The following SYNE1 variants were observed in gnomAD, a reference collection of about 807,000 sequenced individuals.
SYNE1 encodes the protein spectrin repeat containing nuclear envelope protein 1, also known as nesprin-1.
In SYNE1, 616 loss-of-function variants were observed where a neutral mutation model predicts 1,111.0. That is an observed-to-expected ratio of 0.55 (90% CI 0.52 to 0.59). The LOEUF is 0.59. Among genes scored for constraint, SYNE1 ranks in the 20% least tolerant of loss-of-function variants. The pLI, the probability that SYNE1 is intolerant of heterozygous loss-of-function variation, is 0.00. For missense variants in SYNE1, 10,006 were observed against 10,417.0 expected (o/e 0.96, Z 1.72); for synonymous variants, 3,855 against 3,825.8 (o/e 1.01, Z -0.28).
chr6:152,274,460 T>C (rs1270044854), intron 98 of SYNE1, among the ~76,000 whole-genome samples: 3 of 152,322 alleles, frequency 2.0e-5, no homozygotes, highest in African/African-American at 7.2e-5. Context: ...CTATGTCTTT[T>C]GTTTTATTTT....
At chr6:152,226,671 A>G (rs2081634731) in intron 115 of SYNE1, among the ~76,000 whole-genome samples, 1 of 152,202 alleles carries the variant, frequency 6.6e-6, no homozygotes, top group Non-Finnish European at 1.5e-5. Flanking sequence ...GCAGACTGAG[A>G]CTGCTATCAA....
intron 29 of SYNE1, among the ~76,000 whole-genome samples, chr6:152,447,115 T>C (rs1449731247): frequency 6.6e-6 from 1 of 152,212 alleles, no homozygotes; most frequent in Non-Finnish European, 1.5e-5. Flanking sequence ...TAATCCTGGA[T>C]TTCTTTGACC....
At chr6:152,276,878 CTTTTTTTTTTT>C (rs539497198) in intron 98 of SYNE1, among the ~76,000 whole-genome samples, 1 of 102,162 alleles carries the variant, frequency 9.8e-6, no homozygotes, top group Non-Finnish European at 1.9e-5. Context: ...ACTCTGCACT[CTTTTTTTTTTT>C]TTTTTTTTTT....
chr6:152,515,515 T>A (rs574468407), intron 6 of SYNE1, among the ~76,000 whole-genome samples: 1 of 152,330 alleles, frequency 6.6e-6, no homozygotes, highest in African/African-American at 2.4e-5. Flanking sequence ...TGGCTCTTCT[T>A]TGTAAATTAG....
chr6:152,133,793 T>C (rs781640521), intron 142 of SYNE1: 5 of 371,230 alleles, frequency 1.3e-5, no homozygotes, highest in Admixed American at 8.5e-5. Flanking sequence ...TAGATTAGTA[T>C]GCAAGTGAGA....
intron 105 of SYNE1, among the ~76,000 whole-genome samples, chr6:152,247,750 T>TATAC (rs1432898834): frequency 0.027 from 3,046 of 112,220 alleles, 47 homozygotes; most frequent in Non-Finnish European, 0.029. Flanking sequence ...TATATATATA[T>TATAC]ACACACACAC....
At position 152,466,123 on chromosome 6, in the gene SYNE1, T is replaced by C. The variant is rs548367771; in HGVS notation, c.1633-45A>G. The C allele has an allele frequency of 3.8e-5, 49 of 1,276,424 alleles. No homozygotes were observed. The South Asian group carries it at 4.4e-4, about 11-fold the overall frequency. The allele number at this position is 1,276,424 out of a possible 1,614,324, so 79.1% of individuals were successfully genotyped here. On this transcript the variant is annotated intron_variant, in intron 16 of 145. Coordinates refer to ENST00000367255, the MANE Select transcript of SYNE1 (RefSeq NM_182961.4). ...TAGAAGATAGCAAACATTAGGCTCATGTAGAATGCCAAAGTCAATTTTCTT... is the reference window on the plus strand; with the variant it reads ...TAGAAGATAGCAAACATTAGGCTCACGTAGAATGCCAAAGTCAATTTTCTT...
intron 3 of SYNE1, among the ~76,000 whole-genome samples, chr6:152,590,069 G>A (rs941909257): frequency 6.6e-6 from 1 of 150,942 alleles, no homozygotes; most frequent in African/African-American, 2.4e-5. Flanking sequence ...GAGTAGCTGG[G>A]ACTACAGGTG....
At chr6:152,486,326 T>C (rs1443371290) in intron 12 of SYNE1, among the ~76,000 whole-genome samples, 5 of 152,286 alleles carry the variant, frequency 3.3e-5, no homozygotes, top group Admixed American at 3.3e-4. Flanking sequence ...TTGCTACAGA[T>C]TGAAAGAGAT....
chr6:152,442,273 A>G (rs2154233587), intron 30 of SYNE1, 28 bp from the exon 31 acceptor site: 15 of 1,610,796 alleles, frequency 9.3e-6, no homozygotes, highest in Non-Finnish European at 1.3e-5. Context: ...ACAGATGGAT[A>G]TAAATTGTGC....
At chr6:152,439,661 G>A (rs1259594281) in intron 32 of SYNE1, among the ~76,000 whole-genome samples, 1 of 152,176 alleles carries the variant, frequency 6.6e-6, no homozygotes, top group Non-Finnish European at 1.5e-5. Context: ...CAAAAAATTA[G>A]CAGTATGGGA....
chr6:152,269,239 C>T lies in SYNE1; in HGVS notation c.18621G>A (p.Thr6207=), dbSNP rs754877966. The T allele has an allele frequency of 8.7e-6, 14 of 1,614,160 alleles. No homozygotes were observed. Among genetic ancestry groups the T allele is most frequent in the South Asian group, 7.7e-5 (7 of 91,088 alleles). Residue 6207 remains threonine, a synonymous_variant, in exon 99 of 146, where the codon ACG becomes ACA. Transcript: ENST00000367255. The stretch of plus-strand genomic sequence containing the variant: ...GCCATTCCTGGACGCCGGGGCTCTG[C>T]GTGGCTGTTAGGTCAACATCGCTCT... The part of the protein sequence containing the change: ...KEESDVDLTA[T]QSPGVQEWLA...
intron 56 of SYNE1, 139 bp from the exon 57 acceptor site, chr6:152,377,051 G>T: frequency 8.5e-7 from 1 of 1,170,778 alleles, no homozygotes; most frequent in Non-Finnish European, 1.2e-6. Context: ...AAGAAATGAA[G>T]CCTGTTTTCA....
At chr6:152,347,783 C>T (rs1229154922) in intron 72 of SYNE1, among the ~76,000 whole-genome samples, 1 of 150,814 alleles carries the variant, frequency 6.6e-6, no homozygotes, top group Admixed American at 6.6e-5. Context: ...CAGGTTCTAG[C>T]AATTCTCCTG....
intron 40 of SYNE1, 133 bp from the exon 41 acceptor site, chr6:152,417,148 TG>T (rs1349715858): frequency 1.7e-5 from 23 of 1,331,422 alleles, no homozygotes; most frequent in African/African-American, 5.9e-5. Flanking sequence ...TCATCTACAG[TG>T]AATCTTAGAA....
In SYNE1 at chr6:152,308,518, C is replaced by G; in HGVS notation, c.17317G>C (p.Glu5773Gln). ...TGCCGAGAAATCTGAGCCTGCAGCTCCTGTATGTTACTGGTGGCAACAGGT... is the reference window on the plus strand; with the variant it reads ...TGCCGAGAAATCTGAGCCTGCAGCTGCTGTATGTTACTGGTGGCAACAGGT... ...DKPVATSNIQ[E>Q]LQAQISRHEE... The change falls in exon 91 of 146, where the codon GAG becomes CAG. Residue 5773 changes from glutamate (E) to glutamine (Q), a missense_variant. Coordinates refer to ENST00000367255, the MANE Select transcript of SYNE1 (RefSeq NM_182961.4). The G allele has an allele frequency of 6.2e-7, 1 of 1,614,076 alleles. No homozygotes were observed. Among genetic ancestry groups the G allele is most frequent in the Non-Finnish European group, 8.5e-7 (1 of 1,180,016 alleles).
At position 152,505,206 on chromosome 6, in the gene SYNE1, G is replaced by A; in HGVS notation, c.773C>T (p.Pro258Leu). ...TCAATGAATATTCAGCCTACCTTCA[G>A]GATCTAGCAGTCTTGGGATCCCCAG... is the stretch of plus-strand genomic sequence containing the variant. ...TELGIPRLLD[P>L]EDVDVDKPDE... The change falls in exon 9 of 146, where the codon CCT (proline) becomes CTT (leucine). Residue 258 changes from proline to leucine, a missense_variant. Transcript: ENST00000367255. 1.2e-6 allele frequency: 2 copies of A among 1,614,026 alleles called. No homozygotes were observed. The highest frequency in any genetic ancestry group is 1.7e-6 in the Non-Finnish European group (2 of 1,179,980).
chr6:152,243,502 A>G (rs548611436), intron 106 of SYNE1, among the ~76,000 whole-genome samples: 2 of 152,320 alleles, frequency 1.3e-5, no homozygotes, highest in South Asian at 4.1e-4. Flanking sequence ...GCAGGCCAAA[A>G]TGGTTCAATC....
chr6:152,488,317 A>T, intron 12 of SYNE1, 79 bp downstream of exon 12: 2 of 746,432 alleles, frequency 2.7e-6, no homozygotes, highest in South Asian at 3.2e-5. Context: ...TTGAAGCATT[A>T]AATGGAGATC....
Sources: gnomAD v4.1 joint callset for allele counts (sites outside exome capture counted in the v4.1 genomes callset) on GRCh38, gnomAD v4.1.1 for gene constraint, MANE v1.5 for transcripts, NCBI Gene and HGNC (gene_info 2026-07-23, HGNC 2026-07-21) for gene names.